The following CHCHD3 variants were observed in gnomAD, a reference collection of about 807,000 sequenced individuals.
The protein encoded by CHCHD3 is coiled-coil-helix-coiled-coil-helix domain containing 3.
In CHCHD3, 20 loss-of-function variants were observed where a neutral mutation model predicts 38.2. That is an observed-to-expected ratio of 0.52 (90% confidence interval 0.37 to 0.76). CHCHD3 has a LOEUF of 0.76. Among genes scored for constraint, CHCHD3 ranks in the 30% least tolerant of loss-of-function variants. The probability of loss-of-function intolerance (pLI) is 0.00; values close to 1 mark genes in which losing one functional copy is unlikely to be tolerated. For missense variants in CHCHD3, 245 were observed against 279.2 expected, an observed-to-expected ratio of 0.88 and a Z score of 0.87; for synonymous variants, 82 against 100.0, an observed-to-expected ratio of 0.82 and a Z score of 1.07.
intron 4 of CHCHD3, among the ~76,000 whole-genome samples, chr7:132,944,993 A>G (rs994909095): frequency 2.0e-5 from 3 of 151,970 alleles, no homozygotes; most frequent in Non-Finnish European, 4.4e-5. Context: ...TCAGCTTATA[A>G]AAGTTTGTCA....
At chr7:132,848,969 C>T (rs1808147428) in intron 5 of CHCHD3, 1 of 152,178 alleles carries the variant, frequency 6.6e-6, no homozygotes, top group African/African-American at 2.4e-5. Flanking sequence ...AAATTGCCAA[C>T]ATCGGTTCAT....
intron 4 of CHCHD3, among the ~76,000 whole-genome samples, chr7:132,910,484 T>G (rs1457303516): frequency 6.6e-6 from 1 of 152,228 alleles, no homozygotes; most frequent in African/African-American, 2.4e-5. Context: ...CAAGCAGATT[T>G]TTGACAGAGA....
At chr7:133,075,699 T>C (rs1814966614) in intron 1 of CHCHD3, among the ~76,000 whole-genome samples, 1 of 152,126 alleles carries the variant, frequency 6.6e-6, no homozygotes, top group African/African-American at 2.4e-5. Flanking sequence ...ATCTTTCTGA[T>C]AAAAAATGAC....
intron 6 of CHCHD3, among the ~76,000 whole-genome samples, chr7:132,819,763 A>T (rs916428666): frequency 6.6e-6 from 1 of 152,226 alleles, no homozygotes; most frequent in Non-Finnish European, 1.5e-5. Context: ...AGGAATTAAC[A>T]CATGAGACAG....
intron 5 of CHCHD3, among the ~76,000 whole-genome samples, chr7:132,883,482 C>A (rs1408936615): frequency 1.3e-5 from 2 of 152,090 alleles, no homozygotes; most frequent in Non-Finnish European, 2.9e-5. Flanking sequence ...AATCAGAGTT[C>A]TGCCCACTAC....
Position 132,832,002 on chromosome 7 carries a change from A to G in CHCHD3, c.524+6397T>C, listed in dbSNP as rs59595661. Among the ~76,000 whole-genome samples the G allele has an allele frequency of 8.6e-3, 1,309 of 152,312 alleles. 24 individuals carry two copies. Among genetic ancestry groups the G allele is most frequent in the African/African-American group, 0.03 (1,252 of 41,572 alleles). The stretch of plus-strand genomic sequence containing the variant: ...TCACCAATTCATCCGTAATATAGCT[A>G]TTAAAATATTACATCCAAAAAAGAA... On this transcript the variant is annotated intron_variant, in intron 6 of 7. Transcript: ENST00000262570.
chr7:132,786,295 A>G (rs1262731511), intron 7 of CHCHD3, among the ~76,000 whole-genome samples: 1 of 152,216 alleles, frequency 6.6e-6, no homozygotes, highest in East Asian at 1.9e-4. Context: ...CCCCAACTCC[A>G]AAGGCTCTGA....
chr7:132,861,720 T>C (rs1244654650), intron 5 of CHCHD3, among the ~76,000 whole-genome samples: 1 of 152,210 alleles, frequency 6.6e-6, no homozygotes, highest in Non-Finnish European at 1.5e-5. Flanking sequence ...AATACACACA[T>C]AAATGAGCAT....
rs1351540452 is a variant in CHCHD3 at position 133,021,191 on chromosome 7, T to C, written c.251+3355A>G. ...ACTTTTTCCTTCTTATGAATATACA[T>C]ATGTTTTCAAAAATTCAAAATTAGT... On this transcript the variant is annotated intron_variant, in intron 3 of 7. Coordinates refer to ENST00000262570, the MANE Select transcript of CHCHD3 (RefSeq NM_017812.4). Among the ~76,000 whole-genome samples the C allele has an allele frequency of 2.0e-5, 3 of 152,210 alleles. No homozygotes were observed. The East Asian group carries it at 5.8e-4, about 29-fold the overall frequency.
intron 4 of CHCHD3, among the ~76,000 whole-genome samples, chr7:132,905,945 C>T (rs1233028109): frequency 1.3e-5 from 2 of 152,150 alleles, no homozygotes; most frequent in African/African-American, 2.4e-5. Flanking sequence ...AACCAAGACA[C>T]GTAACTCAAT....
intron 1 of CHCHD3, among the ~76,000 whole-genome samples, chr7:133,071,608 A>C (rs957553171): frequency 6.6e-6 from 1 of 152,228 alleles, no homozygotes; most frequent in Admixed American, 6.5e-5. Context: ...TAAAGGACCA[A>C]TTAAGAAGCT....
chr7:133,009,840 T>C (rs563208928), intron 3 of CHCHD3, among the ~76,000 whole-genome samples: 2 of 152,196 alleles, frequency 1.3e-5, no homozygotes, highest in African/African-American at 4.8e-5. Context: ...TTTGATTATG[T>C]TGTTAGCCAA....
At chr7:132,817,624 C>T (rs1807233220) in intron 6 of CHCHD3, among the ~76,000 whole-genome samples, 1 of 152,070 alleles carries the variant, frequency 6.6e-6, no homozygotes, top group Admixed American at 6.6e-5. Context: ...TGAGGCAAAG[C>T]CAACAGGTAA....
intron 6 of CHCHD3, among the ~76,000 whole-genome samples, chr7:132,801,290 CTAAT>C (rs1329570825): frequency 6.6e-6 from 1 of 152,098 alleles, no homozygotes; most frequent in Non-Finnish European, 1.5e-5. Flanking sequence ...AATGTAGTCT[CTAAT>C]TATGCAAGAT....
intron 2 of CHCHD3, among the ~76,000 whole-genome samples, chr7:133,028,476 G>A (rs529789442): frequency 2.0e-5 from 3 of 152,214 alleles, no homozygotes; most frequent in East Asian, 3.9e-4. Context: ...AATTCCCACT[G>A]TGGCAGTATT....
chr7:132,849,500 C>G (rs1808161904), intron 5 of CHCHD3: 2 of 152,122 alleles, frequency 1.3e-5, no homozygotes, highest in Non-Finnish European at 2.9e-5. Flanking sequence ...TAATAAATAA[C>G]CAAGTTAGCA....
intron 4 of CHCHD3, among the ~76,000 whole-genome samples, chr7:132,899,150 CCAGCACGCTGTCACCTCTCACTAAGA>C (rs1304411475): frequency 2.0e-5 from 3 of 152,168 alleles, no homozygotes; most frequent in African/African-American, 4.8e-5. Flanking sequence ...GTGAGGACTG[CCAGCACGCTGTCACCTCTCACTAAGA>C]CATAAAGTAC....
intron 4 of CHCHD3, among the ~76,000 whole-genome samples, chr7:132,929,739 A>C (rs1810471561): frequency 2.0e-5 from 3 of 152,192 alleles, no homozygotes. Context: ...CTCCATGACC[A>C]GGGCTATGGT....
intron 3 of CHCHD3, among the ~76,000 whole-genome samples, chr7:133,024,084 G>A (rs1562940714): frequency 6.6e-6 from 1 of 152,158 alleles, no homozygotes. Flanking sequence ...ACTTATGTCT[G>A]TAACATCCTA....
Sources: gnomAD v4.1 joint callset for allele counts (sites outside exome capture counted in the v4.1 genomes callset) on GRCh38, gnomAD v4.1.1 for gene constraint, MANE v1.5 for transcripts, NCBI Gene and HGNC (gene_info 2026-07-23, HGNC 2026-07-21) for gene names.